KHDRBS2: variants seen among roughly 807,000 people sequenced by gnomAD.
KHDRBS2 encodes KH domain-containing, RNA-binding, signal transduction-associated protein 2.
Under a neutral mutation model 44.3 loss-of-function variants are expected in KHDRBS2, and 26 were observed. The ratio of observed to expected loss-of-function variants is 0.59; its 90% confidence interval spans 0.43 to 0.81. KHDRBS2 has a LOEUF of 0.81. Among genes scored for constraint, KHDRBS2 ranks in the 40% least tolerant of loss-of-function variants. The pLI, the probability that KHDRBS2 is intolerant of heterozygous loss-of-function variation, is 0.00. For synonymous variants in KHDRBS2, 194 were observed against 151.1 expected (o/e 1.28, Z -2.08); for missense variants, 476 against 433.1 (o/e 1.10, Z -0.88).
At chr6:61,788,818 TATAA>T (rs1158322387) in intron 6 of KHDRBS2, among the ~76,000 whole-genome samples, 9 of 151,140 alleles carry the variant, frequency 6.0e-5, no homozygotes, top group South Asian at 2.1e-4. Flanking sequence ...AGATTATATT[TATAA>T]ATATTATATA....
At chr6:62,192,573 C>G (rs930221543) in intron 1 of KHDRBS2, among the ~76,000 whole-genome samples, 1 of 152,124 alleles carries the variant, frequency 6.6e-6, no homozygotes, top group Non-Finnish European at 1.5e-5. Flanking sequence ...GTTCAGAAAT[C>G]TAATTACATT....
chr6:62,237,774 C>T (rs1833932276), intron 1 of KHDRBS2, among the ~76,000 whole-genome samples: 1 of 152,140 alleles, frequency 6.6e-6, no homozygotes, highest in Non-Finnish European at 1.5e-5. Flanking sequence ...GGTGCAGTGG[C>T]TCACGCCTCT....
chr6:61,843,400 A>G (rs1293417057), intron 6 of KHDRBS2, among the ~76,000 whole-genome samples: 1 of 149,890 alleles, frequency 6.7e-6, no homozygotes, highest in Non-Finnish European at 1.5e-5. Context: ...TCACTCCCTC[A>G]CCCAGTAGAG....
At chr6:61,682,429 A>G (rs1766406434) in intron 8 of KHDRBS2, among the ~76,000 whole-genome samples, 1 of 151,886 alleles carries the variant, frequency 6.6e-6, no homozygotes, top group Non-Finnish European at 1.5e-5. Flanking sequence ...AATAAATATA[A>G]CAAATGTTCC....
At chr6:62,274,234 G>A (rs1348240858) in intron 1 of KHDRBS2, among the ~76,000 whole-genome samples, 1 of 152,016 alleles carries the variant, frequency 6.6e-6, no homozygotes, top group Non-Finnish European at 1.5e-5. Context: ...ATTGTTATTT[G>A]AATCCAGGCC....
intron 2 of KHDRBS2, among the ~76,000 whole-genome samples, chr6:62,051,133 G>A (rs981108887): frequency 5.9e-5 from 9 of 151,978 alleles, no homozygotes; most frequent in African/African-American, 1.2e-4. Context: ...GCTGGAAAGC[G>A]GCATGAAGGA....
At chr6:62,071,131 A>G (rs1455224561) in intron 2 of KHDRBS2, among the ~76,000 whole-genome samples, 1 of 152,182 alleles carries the variant, frequency 6.6e-6, no homozygotes, top group Non-Finnish European at 1.5e-5. Flanking sequence ...GGTTGCATAA[A>G]TGTCTTCTTT....
At chr6:61,632,370 A>T in the KHDRBS2 span, among the ~76,000 whole-genome samples, 5 of 152,142 alleles carry the variant, frequency 3.3e-5, no homozygotes, top group Non-Finnish European at 4.4e-5. Context: ...AGGAGACTTT[A>T]TACTTCATGC....
chr6:61,799,711 G>T (rs1785957162), intron 6 of KHDRBS2, among the ~76,000 whole-genome samples: 1 of 151,922 alleles, frequency 6.6e-6, no homozygotes, highest in Non-Finnish European at 1.5e-5. Context: ...AGAATGTATT[G>T]AGATAGTGCT....
At chr6:61,712,068 TAA>T (rs972240956) in intron 7 of KHDRBS2, among the ~76,000 whole-genome samples, 1 of 151,822 alleles carries the variant, frequency 6.6e-6, no homozygotes, top group African/African-American at 2.4e-5. Flanking sequence ...AAGCCAAAAC[TAA>T]GAGAAAATCA....
intron 6 of KHDRBS2, among the ~76,000 whole-genome samples, chr6:61,883,110 A>T (rs1363846414): frequency 8.5e-5 from 13 of 152,188 alleles, no homozygotes; most frequent in South Asian, 2.1e-4. Context: ...GAATATACCC[A>T]TAGAAATAAA....
intron 2 of KHDRBS2, among the ~76,000 whole-genome samples, chr6:62,119,870 CCT>C (rs1016293988): frequency 2.0e-5 from 3 of 152,168 alleles, no homozygotes; most frequent in African/African-American, 7.2e-5. Flanking sequence ...CCCCAACACC[CCT>C]GTTTGCTTCT....
chr6:62,130,476 T>C (rs1207307006), intron 2 of KHDRBS2, among the ~76,000 whole-genome samples: 1 of 152,218 alleles, frequency 6.6e-6, no homozygotes, highest in East Asian at 1.9e-4. Flanking sequence ...CGTTTTTCAT[T>C]ACAATTGTTA....
chr6:61,815,311 T>C (rs146247804), intron 6 of KHDRBS2, among the ~76,000 whole-genome samples: 6 of 152,274 alleles, frequency 3.9e-5, no homozygotes, highest in Non-Finnish European at 8.8e-5. Context: ...AATTTAAAAC[T>C]TAACAAATTT....
intron 4 of KHDRBS2, among the ~76,000 whole-genome samples, chr6:61,909,150 T>C (rs1247357227): frequency 1.3e-5 from 2 of 151,178 alleles, no homozygotes; most frequent in Non-Finnish European, 2.9e-5. Flanking sequence ...CACTACAAAC[T>C]CCACCTCCTA....
At chr6:61,585,308 C>T in the KHDRBS2 span, among the ~76,000 whole-genome samples, 13 of 152,042 alleles carry the variant, frequency 8.6e-5, no homozygotes, top group South Asian at 2.5e-3. Flanking sequence ...AAAAATGGTA[C>T]TTCATCATTT....
the KHDRBS2 span, among the ~76,000 whole-genome samples, chr6:61,593,762 T>C: frequency 1.3e-5 from 2 of 152,096 alleles, no homozygotes; most frequent in South Asian, 2.1e-4. Flanking sequence ...TCTGTATGAA[T>C]TGGGTGAATT....
intron 6 of KHDRBS2, among the ~76,000 whole-genome samples, chr6:61,832,860 G>A (rs1023204284): frequency 1.3e-5 from 2 of 152,050 alleles, no homozygotes; most frequent in African/African-American, 4.8e-5. Flanking sequence ...GACTTTTTTG[G>A]TTTTAAGTCT....
chr6:61,708,086 C>A (rs1215147962), intron 7 of KHDRBS2, among the ~76,000 whole-genome samples: 1 of 151,496 alleles, frequency 6.6e-6, no homozygotes, highest in Non-Finnish European at 1.5e-5. Context: ...GGCCTTTAAT[C>A]TGAGGACTTC....
Sources: allele counts gnomAD v4.1 joint callset (sites outside exome capture counted in the v4.1 genomes callset), GRCh38; gene constraint gnomAD v4.1.1; transcripts MANE v1.5; gene names NCBI Gene and HGNC (gene_info 2026-07-23, HGNC 2026-07-21).